Variants in UNC13C observed in about 807,000 individuals in gnomAD.
UNC13C encodes the protein unc-13 homolog C.
UNC13C carries 174 observed loss-of-function variants against 245.4 expected under a neutral mutation model. The observed-to-expected ratio is 0.71, with a 90% CI of 0.63 to 0.80. The LOEUF (loss-of-function observed/expected upper bound fraction) is 0.80. Among genes scored for constraint, UNC13C ranks in the 30% least tolerant of loss-of-function variants. UNC13C has a pLI of 0.00. For missense variants in UNC13C, 2,829 were observed against 2,602.9 expected (o/e 1.09, Z -1.89); for synonymous variants, 992 against 895.1 (o/e 1.11, Z -1.93).
intron 4 of UNC13C, among the ~76,000 whole-genome samples, chr15:54,204,235 G>C (rs565655045): frequency 6.1e-5 from 8 of 130,708 alleles, no homozygotes; most frequent in African/African-American, 2.3e-4. Flanking sequence ...CAGAAATCAC[G>C]AAAGAACTTA....
chr15:54,613,561 A>G (rs1900240773), intron 30 of UNC13C, among the ~76,000 whole-genome samples: 1 of 152,006 alleles, frequency 6.6e-6, no homozygotes, highest in Admixed American at 6.6e-5. Context: ...ATGGATCCAT[A>G]AACCGAGTAT....
chr15:54,319,505 T>C (rs1475098886), intron 13 of UNC13C, among the ~76,000 whole-genome samples: 1 of 151,928 alleles, frequency 6.6e-6, no homozygotes, highest in Non-Finnish European at 1.5e-5. Flanking sequence ...TTTGCACAAA[T>C]CATGGAACTC....
intron 26 of UNC13C, among the ~76,000 whole-genome samples, chr15:54,544,612 A>C (rs2141172356): frequency 6.6e-6 from 1 of 152,300 alleles, no homozygotes; most frequent in East Asian, 1.9e-4. Context: ...CAGGATACAA[A>C]ATCAATGTGC....
chr15:54,168,905 C>A lies in UNC13C; in HGVS notation c.3071+25221C>A, dbSNP rs561521156. ...CTGTGTCTATGCAATTAGCAATAAT[C>A]ACCAAGAATCAATAAAAGTGATTAA... On this transcript the variant is annotated intron_variant, in intron 4 of 32. Coordinates refer to ENST00000260323, the MANE Select transcript of UNC13C (RefSeq NM_001080534.3). 2.0e-5 allele frequency among the ~76,000 whole-genome samples: 3 copies of A among 152,218 alleles called. No individual in the cohort carries two copies. In the South Asian group the frequency reaches 6.2e-4, roughly 32 times the overall value.
the UNC13C span, among the ~76,000 whole-genome samples, chr15:53,918,981 A>G: frequency 7.2e-5 from 11 of 152,256 alleles, no homozygotes; most frequent in African/African-American, 2.6e-4. Flanking sequence ...CTCCTATTTT[A>G]GTTTGTTTCT....
At chr15:54,452,821 G>A (rs549491543) in intron 19 of UNC13C, among the ~76,000 whole-genome samples, 1 of 152,126 alleles carries the variant, frequency 6.6e-6, no homozygotes, top group African/African-American at 2.4e-5. Flanking sequence ...AGCTGCCAAT[G>A]GAGCAGCCAC....
intron 2 of UNC13C, among the ~76,000 whole-genome samples, chr15:54,042,879 A>T (rs947175513): frequency 2.6e-5 from 4 of 151,864 alleles, no homozygotes; most frequent in African/African-American, 7.2e-5. Flanking sequence ...AAGAAAAAGA[A>T]ACCACTTACT....
intron 20 of UNC13C, among the ~76,000 whole-genome samples, chr15:54,495,317 A>AC: frequency 6.6e-6 from 1 of 152,118 alleles, no homozygotes; most frequent in Non-Finnish European, 1.5e-5. Flanking sequence ...GAAAATAAAG[A>AC]CCCCCACCCT....
the UNC13C span, among the ~76,000 whole-genome samples, chr15:53,960,401 C>A: frequency 1.4e-4 from 21 of 151,178 alleles, no homozygotes; most frequent in Admixed American, 6.6e-5. Context: ...ACCAGAATGT[C>A]CCTATGCTTT....
chr15:54,596,064 A>C (rs2141263459), intron 30 of UNC13C, among the ~76,000 whole-genome samples: 1 of 152,236 alleles, frequency 6.6e-6, no homozygotes, highest in South Asian at 2.1e-4. Context: ...GTTTTAACGA[A>C]GCTTATTGGT....
At chr15:54,522,331 A>C (rs1376526112) in intron 24 of UNC13C, among the ~76,000 whole-genome samples, 1 of 150,674 alleles carries the variant, frequency 6.6e-6, no homozygotes, top group Non-Finnish European at 1.5e-5. Context: ...AAAAAAAAAA[A>C]GCTGGACATG....
chr15:54,591,993 A>C (rs1898817943), intron 30 of UNC13C, among the ~76,000 whole-genome samples: 1 of 151,950 alleles, frequency 6.6e-6, no homozygotes, highest in African/African-American at 2.4e-5. Flanking sequence ...TAGGTTGTAT[A>C]ATTATTATTG....
intron 30 of UNC13C, among the ~76,000 whole-genome samples, chr15:54,590,959 T>C (rs931428742): frequency 1.3e-5 from 2 of 152,174 alleles, no homozygotes; most frequent in Non-Finnish European, 2.9e-5. Context: ...TACATTAAGG[T>C]ATTTCCCTTG....
intron 11 of UNC13C, among the ~76,000 whole-genome samples, chr15:54,295,239 G>A (rs1168379374): frequency 6.6e-6 from 1 of 152,144 alleles, no homozygotes; most frequent in African/African-American, 2.4e-5. Flanking sequence ...ATTTCTTTAT[G>A]AAAGAGGTTT....
intron 10 of UNC13C, among the ~76,000 whole-genome samples, chr15:54,277,647 C>T (rs1256734536): frequency 1.3e-5 from 2 of 152,098 alleles, no homozygotes; most frequent in African/African-American, 4.8e-5. Flanking sequence ...AATATTGCTG[C>T]TACAAGGGCC....
At chr15:54,070,660 G>A (rs2141096745) in intron 2 of UNC13C, among the ~76,000 whole-genome samples, 1 of 152,236 alleles carries the variant, frequency 6.6e-6, no homozygotes, top group South Asian at 2.1e-4. Flanking sequence ...GACCATGCAT[G>A]TTCATGTGAC....
chr15:53,934,014 A>G, the UNC13C span, among the ~76,000 whole-genome samples: 101,215 of 152,104 alleles, frequency 0.67, 33,928 homozygotes, highest in East Asian at 0.85. Flanking sequence ...AGGCAACTGC[A>G]TGGCTTCTGG....
At chr15:54,565,579 T>C (rs530866901) in intron 29 of UNC13C, among the ~76,000 whole-genome samples, 1 of 152,072 alleles carries the variant, frequency 6.6e-6, no homozygotes, top group Admixed American at 6.6e-5. Context: ...ATGTTATTCA[T>C]CAATTAGTGA....
rs1213895092 is a variant in UNC13C, at chr15:54,501,021, G to A, written c.5301+43G>A. On this transcript the variant is annotated intron_variant, in intron 22 of 32. Coordinates refer to ENST00000260323, the MANE Select transcript of UNC13C (RefSeq NM_001080534.3). ...AGTCTTCTTTTTCTCTGGGTCTGTG[G>A]CAATCTGAAAAATGCTATTGTTTTG... 10 of 1,595,262 alleles carry A rather than the reference G, an allele frequency of 6.3e-6. No individual in the cohort carries two copies. The Admixed American group carries it at 1.7e-4, about 27-fold the overall frequency.
Sources: gnomAD v4.1 joint callset for allele counts (sites outside exome capture counted in the v4.1 genomes callset) on GRCh38, gnomAD v4.1.1 for gene constraint, MANE v1.5 for transcripts, NCBI Gene and HGNC (gene_info 2026-07-23, HGNC 2026-07-21) for gene names.